The following CSRNP3 variants were observed in gnomAD, a reference collection of about 807,000 sequenced individuals.
CSRNP3 encodes the protein cysteine/serine-rich nuclear protein 3.
CSRNP3 carries 12 observed loss-of-function variants against 48.0 expected under a neutral mutation model. That is an observed-to-expected ratio of 0.25 (90% CI 0.16 to 0.41). The LOEUF (loss-of-function observed/expected upper bound fraction) is 0.41. CSRNP3 is among the 10% of genes least tolerant of loss of function. CSRNP3 has a pLI of 1.00. For synonymous variants in CSRNP3, 263 were observed against 269.7 expected, an observed-to-expected ratio of 0.98 and a Z score of 0.24; for missense variants, 580 against 724.4, an observed-to-expected ratio of 0.80 and a Z score of 2.29.
intron 4 of CSRNP3, among the ~76,000 whole-genome samples, chr2:165,615,082 C>G (rs1205532808): frequency 6.6e-5 from 10 of 152,136 alleles, no homozygotes; most frequent in Non-Finnish European, 1.5e-5. Flanking sequence ...GTCATTTGGT[C>G]TATACTGAAG....
chr2:165,635,254 C>A (rs1686608138), intron 4 of CSRNP3, among the ~76,000 whole-genome samples: 1 of 152,174 alleles, frequency 6.6e-6, no homozygotes, highest in Non-Finnish European at 1.5e-5. Flanking sequence ...ATAGTGGAGA[C>A]AAGTGGGCAG....
chr2:165,526,670 G>A (rs1057416988), intron 3 of CSRNP3, among the ~76,000 whole-genome samples: 2 of 152,116 alleles, frequency 1.3e-5, no homozygotes, highest in African/African-American at 4.8e-5. Flanking sequence ...GAGGACTTAG[G>A]CAAACTGCTG....
At chr2:165,537,379 C>T (rs1050385242) in intron 3 of CSRNP3, among the ~76,000 whole-genome samples, 27 of 149,532 alleles carry the variant, frequency 1.8e-4, no homozygotes, top group Middle Eastern at 6.8e-3. Flanking sequence ...AAGCCCTTAA[C>T]GCCAGGAACC....
chr2:165,600,342 A>G (rs1685893804), intron 4 of CSRNP3, among the ~76,000 whole-genome samples: 1 of 151,220 alleles, frequency 6.6e-6, no homozygotes, highest in Non-Finnish European at 1.5e-5. Context: ...ATTGTTGGAC[A>G]TTTGGGTTGG....
At chr2:165,520,783 T>TTATATATATATATA (rs869287628) in intron 3 of CSRNP3, among the ~76,000 whole-genome samples, 4 of 29,686 alleles carry the variant, frequency 1.3e-4, no homozygotes, top group Admixed American at 4.8e-4. Context: ...TATATATATA[T>TTATATATATATATA]TATATATATA....
chr2:165,619,357 G>A (rs1363058341), intron 4 of CSRNP3, among the ~76,000 whole-genome samples: 3 of 152,038 alleles, frequency 2.0e-5, no homozygotes, highest in Admixed American at 1.3e-4. Context: ...CATACAATCC[G>A]AAAACTACAA....
chr2:165,531,184 A>G (rs1684807269), intron 3 of CSRNP3, among the ~76,000 whole-genome samples: 1 of 152,172 alleles, frequency 6.6e-6, no homozygotes, highest in South Asian at 2.1e-4. Flanking sequence ...ACCAATAAAT[A>G]TTTATTTGAC....
chr2:165,636,774 G>A lies in CSRNP3; in HGVS notation c.149-20987G>A, dbSNP rs186060518. Among the ~76,000 whole-genome samples, 332 of 152,198 alleles carry A rather than the reference G, an allele frequency of 2.2e-3. 1 individual carries two copies. The highest frequency in any genetic ancestry group is 4.5e-3 in the Admixed American group (68 of 15,274). ...CATTCTAAAATTTCATCATGCTAAT[G>A]CTACTACAATTTTATTATTTTTTAA... On this transcript the variant is annotated intron_variant, in intron 4 of 6. Transcript: ENST00000651982.
intron 3 of CSRNP3, among the ~76,000 whole-genome samples, chr2:165,556,215 CA>C (rs1685158630): frequency 6.6e-6 from 1 of 151,952 alleles, no homozygotes; most frequent in South Asian, 2.1e-4. Context: ...AGGGTAATTC[CA>C]GGTTTCTTGG....
intron 4 of CSRNP3, among the ~76,000 whole-genome samples, chr2:165,652,513 G>C (rs1440008560): frequency 2.6e-5 from 4 of 151,616 alleles, no homozygotes; most frequent in African/African-American, 9.7e-5. Context: ...AAAAAAAATG[G>C]TATCAAGTAT....
chr2:165,499,980 A>G (rs1389472046), intron 2 of CSRNP3, among the ~76,000 whole-genome samples: 1 of 151,414 alleles, frequency 6.6e-6, no homozygotes, highest in East Asian at 1.9e-4. Flanking sequence ...CTTGATTTAT[A>G]TAGTGAACTC....
chr2:165,540,567 A>G (rs10497263), intron 3 of CSRNP3, among the ~76,000 whole-genome samples: 6,248 of 152,018 alleles, frequency 0.041, 319 homozygotes, highest in African/African-American at 0.12. Context: ...GCTTCTCTTC[A>G]CTATTCTCTG....
At position 165,683,009 on chromosome 2, in the gene CSRNP3, T is replaced by C. The variant is rs190999373; in HGVS notation, c.*3256T>C. The C allele has an allele frequency of 6.6e-6, 1 of 152,274 alleles. No homozygotes were observed. The highest frequency in any genetic ancestry group is 1.9e-4 in the East Asian group (1 of 5,180). 9.4% of individuals were successfully genotyped at this position (152,274 alleles called of 1,614,324 possible). On this transcript the variant is annotated 3_prime_UTR_variant, in exon 7 of 7. Coordinates refer to ENST00000651982, the MANE Select transcript of CSRNP3 (RefSeq NM_001172173.2). The stretch of plus-strand genomic sequence containing the variant: ...CCAGTCCTATACCTTTAAATGGGAC[T>C]TAATTCCCAGTTATAATCCTGGCCG...
At chr2:165,491,948 A>G (rs1042240566) in intron 1 of CSRNP3, among the ~76,000 whole-genome samples, 1 of 138,314 alleles carries the variant, frequency 7.2e-6, no homozygotes. Context: ...CTTAAAGTAT[A>G]ATAAAAAAAA....
At chr2:165,624,266 A>G (rs1179875923) in intron 4 of CSRNP3, among the ~76,000 whole-genome samples, 1 of 152,174 alleles carries the variant, frequency 6.6e-6, no homozygotes, top group African/African-American at 2.4e-5. Flanking sequence ...GGTAAAATAG[A>G]CTCAGACTTT....
At chr2:165,624,448 G>A (rs1686394365) in intron 4 of CSRNP3, among the ~76,000 whole-genome samples, 1 of 152,010 alleles carries the variant, frequency 6.6e-6, no homozygotes, top group African/African-American at 2.4e-5. Flanking sequence ...TTTGATTTAA[G>A]CTCACAATTT....
chr2:165,483,050 A>C (rs935322030), intron 1 of CSRNP3, among the ~76,000 whole-genome samples: 6 of 150,500 alleles, frequency 4.0e-5, no homozygotes, highest in Admixed American at 3.3e-4. Context: ...GTATGTATAT[A>C]TATATGTATA....
intron 3 of CSRNP3, among the ~76,000 whole-genome samples, chr2:165,573,608 A>G (rs1685404370): frequency 6.6e-6 from 1 of 152,192 alleles, no homozygotes; most frequent in African/African-American, 2.4e-5. Flanking sequence ...TGACTGCTGT[A>G]TTGTTTTAAA....
At chr2:165,612,112 T>C (rs1686147593) in intron 4 of CSRNP3, among the ~76,000 whole-genome samples, 1 of 152,106 alleles carries the variant, frequency 6.6e-6, no homozygotes, top group Non-Finnish European at 1.5e-5. Flanking sequence ...GCAAAAGTAC[T>C]AAATGCTTTT....
Sources: gnomAD v4.1 joint callset for allele counts (sites outside exome capture counted in the v4.1 genomes callset) on GRCh38, gnomAD v4.1.1 for gene constraint, MANE v1.5 for transcripts, NCBI Gene and HGNC (gene_info 2026-07-23, HGNC 2026-07-21) for gene names.